The following AGMO variants were observed in gnomAD, a reference collection of about 807,000 sequenced individuals.
AGMO encodes alkylglycerol monooxygenase.
A neutral mutation model predicts 60.2 loss-of-function variants in AGMO; 75 were observed. The ratio of observed to expected loss-of-function variants is 1.25; its 90% confidence interval spans 1.03 to 1.51. AGMO has a LOEUF of 1.51. Among genes scored for constraint, AGMO ranks in the 40% most tolerant of loss-of-function variants. AGMO has a pLI of 0.00. For missense variants in AGMO, 763 were observed against 525.5 expected, an observed-to-expected ratio of 1.45 and a Z score of -4.42; for synonymous variants, 261 against 177.1, an observed-to-expected ratio of 1.47 and a Z score of -3.76.
chr7:15,555,701 A>G, intron 2 of AGMO, among the ~76,000 whole-genome samples: 1 of 152,014 alleles, frequency 6.6e-6, no homozygotes, highest in East Asian at 1.9e-4. Flanking sequence ...TTTGCAGGAA[A>G]TGTATTACTC....
intron 12 of AGMO, among the ~76,000 whole-genome samples, chr7:15,253,364 G>T (rs1446733676): frequency 6.6e-6 from 1 of 152,054 alleles, no homozygotes; most frequent in Non-Finnish European, 1.5e-5. Context: ...CAACTAAACA[G>T]GGAGTAAGAC....
chr7:15,205,718 A>C (rs1363732307), intron 12 of AGMO, among the ~76,000 whole-genome samples: 1 of 152,134 alleles, frequency 6.6e-6, no homozygotes, highest in African/African-American at 2.4e-5. Context: ...TTAGTGAATT[A>C]TATGTTTTCA....
chr7:15,438,078 A>T (rs1781450158), intron 3 of AGMO, among the ~76,000 whole-genome samples: 1 of 152,150 alleles, frequency 6.6e-6, no homozygotes, highest in East Asian at 1.9e-4. Context: ...TATTCTCAAC[A>T]TTTAAACAAA....
At chr7:15,459,720 T>C (rs951207121) in intron 3 of AGMO, among the ~76,000 whole-genome samples, 13 of 151,980 alleles carry the variant, frequency 8.6e-5, no homozygotes, top group Non-Finnish European at 1.8e-4. Context: ...ACAGTTATTT[T>C]TTAAAACTGC....
intron 5 of AGMO, among the ~76,000 whole-genome samples, chr7:15,409,597 A>C (rs1784787708): frequency 6.6e-6 from 1 of 151,920 alleles, no homozygotes; most frequent in African/African-American, 2.4e-5. Flanking sequence ...CATACCCTTA[A>C]AATAAAGCCC....
chr7:15,558,018 TCCC>T (rs1479733062), intron 2 of AGMO, among the ~76,000 whole-genome samples: 1 of 136,070 alleles, frequency 7.3e-6, no homozygotes, highest in Non-Finnish European at 1.6e-5. Context: ...TCTCTCTCTC[TCCC>T]CCCTTTCCCC....
At chr7:15,511,665 G>A (rs148004754) in intron 3 of AGMO, among the ~76,000 whole-genome samples, 38 of 152,218 alleles carry the variant, frequency 2.5e-4, no homozygotes, top group African/African-American at 9.2e-4. Context: ...AACTATGTGA[G>A]GTAATGCACA....
chr7:15,369,767 C>T (rs1339788500), intron 10 of AGMO, among the ~76,000 whole-genome samples: 1 of 151,960 alleles, frequency 6.6e-6, no homozygotes, highest in Non-Finnish European at 1.5e-5. Context: ...ACTGTCGTAT[C>T]CCAAGGGCCT....
intron 12 of AGMO, among the ~76,000 whole-genome samples, chr7:15,318,420 A>T (rs1282859353): frequency 6.6e-6 from 1 of 152,178 alleles, no homozygotes; most frequent in Admixed American, 6.5e-5. Flanking sequence ...AATACAGTGT[A>T]TCACTCAAAA....
At chr7:15,429,988 T>C (rs1475126600) in intron 4 of AGMO, among the ~76,000 whole-genome samples, 1 of 127,466 alleles carries the variant, frequency 7.8e-6, no homozygotes, top group Non-Finnish European at 1.7e-5. Flanking sequence ...TCAGGGGTCC[T>C]GGAACAAGAC....
chr7:15,226,120 C>T (rs1394747828), intron 12 of AGMO, among the ~76,000 whole-genome samples: 3 of 152,014 alleles, frequency 2.0e-5, no homozygotes, highest in Admixed American at 6.6e-5. Flanking sequence ...TAGCCTTTCT[C>T]ACCTTAGATT....
At chr7:15,499,407 G>C (rs2128524442) in intron 3 of AGMO, among the ~76,000 whole-genome samples, 1 of 151,928 alleles carries the variant, frequency 6.6e-6, no homozygotes, top group East Asian at 1.9e-4. Context: ...TCTGATCAGA[G>C]ATGTTCCAAC....
chr7:15,370,441 G>C (rs1373076166), intron 10 of AGMO, among the ~76,000 whole-genome samples: 3 of 152,140 alleles, frequency 2.0e-5, no homozygotes, highest in African/African-American at 7.2e-5. Context: ...TCAAATGGTA[G>C]TTCTAAGTTC....
intron 12 of AGMO, among the ~76,000 whole-genome samples, chr7:15,308,905 T>C (rs117604729): frequency 1.9e-4 from 29 of 152,278 alleles, no homozygotes; most frequent in Non-Finnish European, 3.5e-4. Flanking sequence ...TCAATCCAAT[T>C]TGTTAGACTT....
chr7:15,210,285 A>G (rs965014621), intron 12 of AGMO, among the ~76,000 whole-genome samples: 3 of 152,150 alleles, frequency 2.0e-5, no homozygotes, highest in African/African-American at 7.2e-5. Context: ...TCTTTTTCAT[A>G]TGTTCAAAAA....
intron 12 of AGMO, among the ~76,000 whole-genome samples, chr7:15,363,905 T>TA (rs763687513): frequency 4.6e-5 from 7 of 152,104 alleles, no homozygotes; most frequent in Admixed American, 2.0e-4. Context: ...TCTAAGGTGT[T>TA]AAAGTGCCAT....
intron 12 of AGMO, among the ~76,000 whole-genome samples, chr7:15,259,360 G>T (rs908156773): frequency 1.3e-5 from 2 of 151,114 alleles, no homozygotes; most frequent in Non-Finnish European, 3.0e-5. Context: ...CAAAGACAAA[G>T]GAAAAAAAAA....
chr7:15,508,355 G>T (rs1013989704), intron 3 of AGMO, among the ~76,000 whole-genome samples: 4 of 152,104 alleles, frequency 2.6e-5, no homozygotes, highest in Non-Finnish European at 5.9e-5. Flanking sequence ...ATGAATCATG[G>T]ATGCAAGTTG....
intron 3 of AGMO, among the ~76,000 whole-genome samples, chr7:15,497,539 A>C (rs1783264753): frequency 6.6e-6 from 1 of 152,026 alleles, no homozygotes; most frequent in African/African-American, 2.4e-5. Flanking sequence ...GTGGCATCCC[A>C]TAACAGCAAC....
Sources: allele counts gnomAD v4.1 joint callset (sites outside exome capture counted in the v4.1 genomes callset), GRCh38; gene constraint gnomAD v4.1.1; transcripts MANE v1.5; gene names NCBI Gene and HGNC (gene_info 2026-07-23, HGNC 2026-07-21).